The following SLX4IP variants were observed in gnomAD, a reference collection of about 807,000 sequenced individuals.
SLX4IP encodes SLX4 interacting protein.
SLX4IP carries 34 observed loss-of-function variants against 32.9 expected under a neutral mutation model. The ratio of observed to expected loss-of-function variants is 1.03; its 90% CI spans 0.79 to 1.38. SLX4IP has a LOEUF of 1.38. Ranked by LOEUF, SLX4IP falls within the 40% of genes most tolerant of loss-of-function variation. The pLI, the probability that SLX4IP is intolerant of heterozygous loss-of-function variation, is 0.00. For missense variants in SLX4IP, 444 were observed against 479.0 expected (o/e 0.93, Z 0.68); for synonymous variants, 172 against 171.7 (o/e 1.00, Z -0.01).
chr20:10,555,069 T>A (rs1036329497), intron 2 of SLX4IP, among the ~76,000 whole-genome samples: 3 of 152,152 alleles, frequency 2.0e-5, no homozygotes, highest in Admixed American at 2.0e-4. Flanking sequence ...AGGTGTGTGA[T>A]CCATCTCAAA....
intron 2 of SLX4IP, among the ~76,000 whole-genome samples, chr20:10,510,797 G>A (rs1461994917): frequency 6.6e-6 from 1 of 151,998 alleles, no homozygotes; most frequent in Admixed American, 6.6e-5. Context: ...GTAGAGACAG[G>A]GTTTCACCAT....
intron 2 of SLX4IP, among the ~76,000 whole-genome samples, chr20:10,553,851 A>G (rs2066242206): frequency 6.6e-6 from 1 of 152,258 alleles, no homozygotes; most frequent in Non-Finnish European, 1.5e-5. Flanking sequence ...TTTACATCGT[A>G]GGAAACCATC....
chr20:10,447,655 AT>A (rs1403662024), intron 1 of SLX4IP, among the ~76,000 whole-genome samples: 6 of 151,364 alleles, frequency 4.0e-5, no homozygotes, highest in African/African-American at 1.5e-4. Context: ...TTACCTTTTT[AT>A]TTTTTTCTGC....
chr20:10,511,241 G>C (rs938085840), intron 2 of SLX4IP, among the ~76,000 whole-genome samples: 1 of 152,132 alleles, frequency 6.6e-6, no homozygotes, highest in Non-Finnish European at 1.5e-5. Context: ...TCTTAAGATG[G>C]GGCTGATGGT....
intron 2 of SLX4IP, among the ~76,000 whole-genome samples, chr20:10,518,438 T>TCC (rs1394484197): frequency 1.5e-5 from 1 of 67,730 alleles, no homozygotes; most frequent in African/African-American, 5.0e-5. Context: ...CCTCCCTCCT[T>TCC]CTTCCTTCCT....
intron 4 of SLX4IP, among the ~76,000 whole-genome samples, chr20:10,588,811 A>G (rs536904131): frequency 6.6e-6 from 1 of 152,342 alleles, no homozygotes; most frequent in East Asian, 1.9e-4. Context: ...AGATTTGGTC[A>G]AAGGACACAA....
chr20:10,463,630 T>C (rs938969803), intron 2 of SLX4IP, among the ~76,000 whole-genome samples: 1 of 152,144 alleles, frequency 6.6e-6, no homozygotes, highest in Non-Finnish European at 1.5e-5. Context: ...TGAGAAGAGA[T>C]TTTTTTAGGC....
At chr20:10,535,108 G>A (rs2066027784) in intron 2 of SLX4IP, among the ~76,000 whole-genome samples, 1 of 152,096 alleles carries the variant, frequency 6.6e-6, no homozygotes, top group Admixed American at 6.6e-5. Flanking sequence ...GATTGAAAGT[G>A]AGTTGTTGCA....
chr20:10,613,319 G>A (rs951231945), intron 6 of SLX4IP: 2 of 814,712 alleles, frequency 2.5e-6, no homozygotes, highest in African/African-American at 3.4e-5. Flanking sequence ...GAAAAATTCA[G>A]GCTGGAAAGA....
At chr20:10,502,211 G>A (rs1216538559) in intron 2 of SLX4IP, among the ~76,000 whole-genome samples, 2 of 152,136 alleles carry the variant, frequency 1.3e-5, no homozygotes, top group African/African-American at 4.8e-5. Flanking sequence ...TTGCTCTGTG[G>A]CATTTCTGTG....
chr20:10,439,612 C>A (rs559092867), intron 1 of SLX4IP, among the ~76,000 whole-genome samples: 95 of 152,282 alleles, frequency 6.2e-4, no homozygotes, highest in African/African-American at 2.0e-3. Flanking sequence ...AAAACTTCAC[C>A]TTTGCTGTTA....
At chr20:10,569,333 G>A (rs942549891) in intron 4 of SLX4IP, among the ~76,000 whole-genome samples, 5 of 151,886 alleles carry the variant, frequency 3.3e-5, no homozygotes, top group Admixed American at 6.6e-5. Flanking sequence ...TTACAGGTGC[G>A]TGCCACCACA....
intron 2 of SLX4IP, among the ~76,000 whole-genome samples, chr20:10,505,492 C>G (rs2065751648): frequency 6.6e-6 from 1 of 152,236 alleles, no homozygotes; most frequent in Non-Finnish European, 1.5e-5. Flanking sequence ...TAGGGCCCCT[C>G]CTCTGGTGAG....
intron 4 of SLX4IP, among the ~76,000 whole-genome samples, chr20:10,595,760 A>T (rs556368779): frequency 7.7e-4 from 118 of 152,376 alleles, no homozygotes; most frequent in African/African-American, 2.7e-3. Flanking sequence ...GTTTGCCATA[A>T]GAACTGGCAT....
At chr20:10,467,728 T>C (rs1255152777) in intron 2 of SLX4IP, among the ~76,000 whole-genome samples, 1 of 152,190 alleles carries the variant, frequency 6.6e-6, no homozygotes, top group Non-Finnish European at 1.5e-5. Context: ...TTAGTAAAAG[T>C]TTTCACACCA....
rs537812386 is a variant in SLX4IP, at chr20:10,435,692, A to G, written c.-30+239A>G. ...TCAGGAAAGTTAACTGTCTTTGCACAAAGGGAATGCAGTAGATGGGCCAGG... is the reference window on the plus strand; with the variant it reads ...TCAGGAAAGTTAACTGTCTTTGCACGAAGGGAATGCAGTAGATGGGCCAGG... On this transcript the variant is annotated intron_variant, in intron 1 of 7. Transcript: ENST00000334534. Among the ~76,000 whole-genome samples, 49 of 152,360 alleles carry G rather than the reference A, an allele frequency of 3.2e-4. 1 individual carries two copies. The South Asian group carries it at 9.9e-3, about 31-fold the overall frequency.
intron 4 of SLX4IP, among the ~76,000 whole-genome samples, chr20:10,566,094 G>C (rs1221574092): frequency 6.6e-6 from 1 of 152,132 alleles, no homozygotes; most frequent in Non-Finnish European, 1.5e-5. Flanking sequence ...ATAAGTAGTT[G>C]ATGTTTGTAT....
Position 10,625,844 on chromosome 20 carries a change from G to T in SLX4IP, c.*2465G>T, listed in dbSNP as rs2067165427. The T allele has an allele frequency of 6.6e-6, 1 of 152,034 alleles. No homozygotes were observed. The highest frequency in any genetic ancestry group is 6.6e-5 in the Admixed American group (1 of 15,260). The allele number at this position is 152,034 out of a possible 1,614,324, so 9.4% of individuals were successfully genotyped here. A position where few individuals can be genotyped will look rare whatever the true frequency, so the allele number is the denominator to read the frequency against. ...GCCTTTAAGCATTTTTCTTGCACAT[G>T]GCTGAAACACCCCTGGCTCTCTTGT... On this transcript the variant is annotated 3_prime_UTR_variant, in exon 8 of 8. Coordinates refer to ENST00000334534, the MANE Select transcript of SLX4IP (RefSeq NM_001009608.3).
chr20:10,608,723 G>A (rs1447898364), intron 6 of SLX4IP, among the ~76,000 whole-genome samples: 1 of 149,022 alleles, frequency 6.7e-6, no homozygotes, highest in African/African-American at 2.5e-5. Context: ...CACTTATACA[G>A]TATTAATTTT....
Sources: allele counts gnomAD v4.1 joint callset (sites outside exome capture counted in the v4.1 genomes callset), GRCh38; gene constraint gnomAD v4.1.1; transcripts MANE v1.5; gene names NCBI Gene and HGNC (gene_info 2026-07-23, HGNC 2026-07-21).